MALRD1: variants seen among roughly 807,000 people sequenced by gnomAD.
MALRD1 encodes the protein MAM and LDL-receptor class A domain-containing protein 1.
MALRD1 carries 247 observed loss-of-function variants against 242.1 expected under a neutral mutation model. The ratio of observed to expected loss-of-function variants is 1.02; its 90% confidence interval spans 0.92 to 1.13. The LOEUF (loss-of-function observed/expected upper bound fraction) is 1.13, where lower values mean the gene tolerates loss of function less well. MALRD1 is among the 50% of genes most tolerant of loss of function. MALRD1 has a pLI of 0.00. For missense variants in MALRD1, 2,989 were observed against 2,533.1 expected (o/e 1.18, Z -3.86); for synonymous variants, 995 against 866.6 (o/e 1.15, Z -2.60).
At position 19,189,862 on chromosome 10, in the gene MALRD1, A is replaced by G. The variant is rs563062567; in HGVS notation, c.1952-13866A>G. 5.9e-5 allele frequency among the ~76,000 whole-genome samples: 9 copies of G among 152,278 alleles called. No homozygotes were observed. In the South Asian group the frequency reaches 6.2e-4, roughly 11 times the overall value. Reference sequence around the variant, plus strand: ...AAAAACTCACAGCTACATTATACTCATTGGTGAAAGACTAAAAGCTTTTCT... The same window carrying G: ...AAAAACTCACAGCTACATTATACTCGTTGGTGAAAGACTAAAAGCTTTTCT... On this transcript the variant is annotated intron_variant, in intron 14 of 39. Transcript: ENST00000454679.
chr10:19,648,642 A>G (rs550005081), intron 36 of MALRD1, among the ~76,000 whole-genome samples: 2 of 152,210 alleles, frequency 1.3e-5, no homozygotes, highest in Non-Finnish European at 2.9e-5. Flanking sequence ...AGAGATTCAG[A>G]AAAAGGTAAC....
At chr10:19,392,778 AT>A (rs1846393227) in intron 28 of MALRD1, among the ~76,000 whole-genome samples, 2 of 152,232 alleles carry the variant, frequency 1.3e-5, no homozygotes, top group African/African-American at 2.4e-5. Context: ...ATGAGAAAAA[AT>A]AACCTTTAAA....
At position 19,347,876 on chromosome 10, in the gene MALRD1, C is replaced by T. The variant is rs565824041; in HGVS notation, c.4007C>T (p.Ala1336Val). The T allele has an allele frequency of 7.7e-6, 12 of 1,550,348 alleles. No homozygotes were observed. In the East Asian group the frequency reaches 2.4e-4, roughly 32 times the overall value. ...WNLKASSIPA[A>V]GTEPAADHTL... ...CTGAAAGCTAGCAGCATCCCTGCAG[C>T]AGGCACAGAGCCAGCAGCAGATCAC... is the stretch of plus-strand genomic sequence containing the variant. Residue 1336 changes from alanine to valine, a missense_variant, in exon 25 of 40, where the codon GCA (alanine) becomes GTA (valine). Transcript: ENST00000454679.
intron 36 of MALRD1, among the ~76,000 whole-genome samples, chr10:19,631,890 T>C (rs1589333609): frequency 6.6e-6 from 1 of 152,206 alleles, no homozygotes. Context: ...ATTAGACCTT[T>C]GTCAGATGCC....
chr10:19,184,793 T>G (rs1835666543), intron 14 of MALRD1, among the ~76,000 whole-genome samples: 1 of 152,078 alleles, frequency 6.6e-6, no homozygotes, highest in Non-Finnish European at 1.5e-5. Context: ...GGTGATCCAC[T>G]CGCCTTGGCC....
chr10:19,608,387 T>G (rs1461136188), intron 35 of MALRD1, among the ~76,000 whole-genome samples: 1 of 152,090 alleles, frequency 6.6e-6, no homozygotes, highest in Non-Finnish European at 1.5e-5. Context: ...TCTTCTGACC[T>G]TGGAACATGT....
intron 35 of MALRD1, among the ~76,000 whole-genome samples, chr10:19,611,127 C>G (rs1838876536): frequency 6.6e-6 from 1 of 151,924 alleles, no homozygotes; most frequent in African/African-American, 2.4e-5. Flanking sequence ...AAAATTCTAA[C>G]AAATTTAATT....
rs1175915784 is a variant in MALRD1 at position 19,293,285 on chromosome 10, T to TA, written c.3419+10104_3419+10105insA. On this transcript the variant is annotated intron_variant, in intron 21 of 39. Coordinates refer to ENST00000454679, the MANE Select transcript of MALRD1 (RefSeq NM_001142308.3). ...TCAACTGTAGTTATATATACATATATTTTTTTGCCAAGACACCAAATGCAA... is the reference window on the plus strand; with the variant it reads ...TCAACTGTAGTTATATATACATATATATTTTTTGCCAAGACACCAAATGCAA... 7.6e-5 allele frequency among the ~76,000 whole-genome samples: 11 copies of TA among 145,686 alleles called. No homozygotes were observed. In the East Asian group the frequency reaches 2.1e-3, roughly 28 times the overall value.
chr10:19,396,952 A>G (rs911900684), intron 28 of MALRD1, among the ~76,000 whole-genome samples: 1 of 152,158 alleles, frequency 6.6e-6, no homozygotes, highest in African/African-American at 2.4e-5. Context: ...GCTGCATTTT[A>G]TTTTTTAAAT....
At chr10:19,086,788 T>C (rs1176419988) in intron 2 of MALRD1, among the ~76,000 whole-genome samples, 1 of 152,082 alleles carries the variant, frequency 6.6e-6, no homozygotes, top group Non-Finnish European at 1.5e-5. Context: ...CCCTCTCTCT[T>C]ACAGACTAAG....
intron 26 of MALRD1, among the ~76,000 whole-genome samples, chr10:19,356,891 C>A (rs751420499): frequency 2.0e-4 from 31 of 152,030 alleles, no homozygotes; most frequent in Non-Finnish European, 3.7e-4. Flanking sequence ...GGCAGATCAT[C>A]TGAGGTCAGG....
chr10:19,283,069 C>A lies in MALRD1; in HGVS notation c.3307C>A (p.Pro1103Thr). The change falls in exon 21 of 40, where the codon CCA becomes ACA. Residue 1103 changes from proline (P) to threonine (T), a missense_variant. Coordinates refer to ENST00000454679, the MANE Select transcript of MALRD1 (RefSeq NM_001142308.3). The part of the protein sequence containing the change: ...EKRSLCKWYQ[P>T]IPVHLLQDSN... ...AAGAAGCCTGTGTAAATGGTATCAA[C>A]CAATCCCAGTACATTTGCTTCAAGA... The A allele has an allele frequency of 6.5e-7, 1 of 1,549,972 alleles. No homozygotes were observed.
At chr10:19,282,799 AT>A (rs1289768796) in intron 20 of MALRD1, among the ~76,000 whole-genome samples, 1 of 118,976 alleles carries the variant, frequency 8.4e-6, no homozygotes, top group Non-Finnish European at 1.9e-5. Flanking sequence ...TAGTATATGT[AT>A]TTTTTCCTAT....
intron 38 of MALRD1, among the ~76,000 whole-genome samples, chr10:19,695,857 G>A (rs1197054087): frequency 6.6e-6 from 1 of 151,992 alleles, no homozygotes; most frequent in Non-Finnish European, 1.5e-5. Flanking sequence ...GCAGGCAAGA[G>A]AGCTTGTGTA....
intron 26 of MALRD1, among the ~76,000 whole-genome samples, chr10:19,370,280 G>A (rs1446518096): frequency 1.3e-5 from 2 of 152,042 alleles, no homozygotes; most frequent in African/African-American, 4.8e-5. Context: ...CTGGGATATT[G>A]ATTATCATAT....
intron 4 of MALRD1, among the ~76,000 whole-genome samples, chr10:19,101,387 A>G (rs576802400): frequency 2.4e-4 from 34 of 143,502 alleles, no homozygotes; most frequent in Admixed American, 5.8e-4. Flanking sequence ...CAACTTGGGT[A>G]TGTATATTGT....
intron 5 of MALRD1, among the ~76,000 whole-genome samples, chr10:19,118,211 T>C (rs1424103627): frequency 6.6e-6 from 1 of 152,160 alleles, no homozygotes; most frequent in African/African-American, 2.4e-5. Context: ...ATATTAGATA[T>C]GTTGACAAAA....
At chr10:19,432,117 T>G (rs1834156800) in intron 28 of MALRD1, among the ~76,000 whole-genome samples, 1 of 152,186 alleles carries the variant, frequency 6.6e-6, no homozygotes, top group South Asian at 2.1e-4. Context: ...TAGTGAGCCT[T>G]TTCTATACAG....
intron 33 of MALRD1, among the ~76,000 whole-genome samples, chr10:19,589,201 G>GGATA (rs758653250): frequency 5.9e-5 from 9 of 151,974 alleles, no homozygotes; most frequent in African/African-American, 1.7e-4. Context: ...ATAGATGGGT[G>GGATA]GATAGATAGA....
Sources: allele counts gnomAD v4.1 joint callset (sites outside exome capture counted in the v4.1 genomes callset), GRCh38; gene constraint gnomAD v4.1.1; transcripts MANE v1.5; gene names NCBI Gene and HGNC (gene_info 2026-07-23, HGNC 2026-07-21).